Variants in SLC39A10 observed in about 807,000 individuals in gnomAD.
SLC39A10 encodes zinc transporter ZIP10.
A neutral mutation model predicts 65.1 loss-of-function variants in SLC39A10; 13 were observed. The ratio of observed to expected loss-of-function variants is 0.20; its 90% CI spans 0.13 to 0.32. The LOEUF is 0.32. Ranked by LOEUF, SLC39A10 falls within the 10% of genes least tolerant of loss-of-function variation. The pLI is 1.00. For missense variants in SLC39A10, 831 were observed against 1,018.4 expected (o/e 0.82, Z 2.50); for synonymous variants, 321 against 342.2 (o/e 0.94, Z 0.68).
chr2:195,682,447 T>A (rs1574265917), intron 2 of SLC39A10, among the ~76,000 whole-genome samples: 2 of 152,294 alleles, frequency 1.3e-5, no homozygotes, highest in Admixed American at 1.3e-4. Context: ...ATTCATTTTA[T>A]TATTATTTTC....
intron 3 of SLC39A10, among the ~76,000 whole-genome samples, chr2:195,699,521 C>T (rs1220265657): frequency 1.3e-5 from 2 of 152,028 alleles, no homozygotes; most frequent in East Asian, 1.9e-4. Context: ...TCTAATGTCC[C>T]TTGTAATTTC....
chr2:195,682,572 C>T (rs1372445277), intron 2 of SLC39A10, among the ~76,000 whole-genome samples: 2 of 152,008 alleles, frequency 1.3e-5, no homozygotes, highest in Non-Finnish European at 2.9e-5. Context: ...GATTACAGTG[C>T]ATTAATTATT....
chr2:195,692,650 G>A (rs1489583662), intron 3 of SLC39A10, among the ~76,000 whole-genome samples: 2 of 152,130 alleles, frequency 1.3e-5, no homozygotes, highest in Admixed American at 1.3e-4. Context: ...CTTGGTTGCT[G>A]TTGGTGTATA....
intron 2 of SLC39A10, among the ~76,000 whole-genome samples, chr2:195,623,332 T>C (rs1688389449): frequency 6.6e-6 from 1 of 152,180 alleles, no homozygotes; most frequent in Non-Finnish European, 1.5e-5. Context: ...CCCTCCTAAG[T>C]GTAAGTAGTA....
chr2:195,657,713 CG>C (rs1170606213), intron 1 of SLC39A10: 2 of 867,770 alleles, frequency 2.3e-6, no homozygotes, highest in East Asian at 1.2e-4. Context: ...GTCGCAGGCG[CG>C]GGCGGGCGAG....
At chr2:195,681,536 G>GA (rs1161590597) in intron 2 of SLC39A10, among the ~76,000 whole-genome samples, 1 of 151,888 alleles carries the variant, frequency 6.6e-6, no homozygotes, top group African/African-American at 2.4e-5. Context: ...AAAAAAGAAA[G>GA]AAAAAAGATT....
At chr2:195,637,711 T>G (rs1688721099) in intron 2 of SLC39A10, among the ~76,000 whole-genome samples, 1 of 152,208 alleles carries the variant, frequency 6.6e-6, no homozygotes, top group Non-Finnish European at 1.5e-5. Flanking sequence ...AAACAAGGGT[T>G]TCTTCTTTGG....
chr2:195,652,274 G>A (rs1317229109), upstream of SLC39A10, among the ~76,000 whole-genome samples: 6 of 152,316 alleles, frequency 3.9e-5, no homozygotes, highest in South Asian at 6.2e-4. Context: ...TAGCCTAGGC[G>A]TGGTGGCTAA....
upstream of SLC39A10, among the ~76,000 whole-genome samples, chr2:195,654,620 A>T (rs1210747384): frequency 1.3e-5 from 2 of 151,124 alleles, no homozygotes; most frequent in Non-Finnish European, 2.9e-5. Context: ...AATCATTTAT[A>T]CTATTTTTAT....
intron 2 of SLC39A10, among the ~76,000 whole-genome samples, chr2:195,625,368 C>G (rs564097617): frequency 1.3e-5 from 2 of 151,502 alleles, no homozygotes; most frequent in African/African-American, 4.8e-5. Flanking sequence ...CTCCGCCTCC[C>G]AAGTTCAAGC....
intron 1 of SLC39A10, among the ~76,000 whole-genome samples, chr2:195,668,251 TTA>T (rs959747669): frequency 7.2e-5 from 11 of 152,228 alleles, no homozygotes; most frequent in Admixed American, 2.0e-4. Context: ...CCAGCTGTGT[TTA>T]TATGATTGAG....
At chr2:195,622,527 T>C (rs1425922310) in intron 2 of SLC39A10, among the ~76,000 whole-genome samples, 1 of 152,228 alleles carries the variant, frequency 6.6e-6, no homozygotes, top group African/African-American at 2.4e-5. Flanking sequence ...CAAAGATTAA[T>C]AGCAGTTAGA....
chr2:195,721,819 A>T (rs534322816), intron 8 of SLC39A10, among the ~76,000 whole-genome samples: 2 of 152,090 alleles, frequency 1.3e-5, no homozygotes, highest in African/African-American at 4.8e-5. Flanking sequence ...CTGTTCATCT[A>T]CCCACTACCT....
intron 9 of SLC39A10, among the ~76,000 whole-genome samples, chr2:195,729,961 ATTT>A (rs58936616): frequency 3.3e-4 from 30 of 92,134 alleles, no homozygotes; most frequent in Admixed American, 8.0e-4. Context: ...ACCATGCCTA[ATTT>A]TTTTTTTTTT....
intron 5 of SLC39A10, among the ~76,000 whole-genome samples, chr2:195,709,263 G>A (rs1691520691): frequency 1.3e-5 from 2 of 151,800 alleles, no homozygotes; most frequent in Admixed American, 1.3e-4. Flanking sequence ...ACAGATTCTC[G>A]CTATGTGGCC....
At chr2:195,692,826 C>T (rs568558117) in intron 3 of SLC39A10, among the ~76,000 whole-genome samples, 2 of 152,186 alleles carry the variant, frequency 1.3e-5, no homozygotes, top group African/African-American at 4.8e-5. Flanking sequence ...TGATTTCTTT[C>T]CCTTCTCTGA....
chr2:195,613,790 T>A (rs1179791302), intron 2 of SLC39A10, among the ~76,000 whole-genome samples: 1 of 152,162 alleles, frequency 6.6e-6, no homozygotes, highest in African/African-American at 2.4e-5. Context: ...TAAAAAAGAA[T>A]AATAGATCAT....
At chr2:195,689,242 T>C (rs980090704) in intron 3 of SLC39A10, among the ~76,000 whole-genome samples, 21 of 152,206 alleles carry the variant, frequency 1.4e-4, no homozygotes, top group African/African-American at 4.6e-4. Context: ...AGACCATGTC[T>C]CTATAAATAA....
chr2:195,706,473 T>C, intron 3 of SLC39A10, 143 bp from the exon 4 acceptor site: 2 of 724,394 alleles, frequency 2.8e-6, no homozygotes, highest in Non-Finnish European at 4.2e-6. Context: ...TTGTTTTGTT[T>C]TTAAACAATG....
Sources: gnomAD v4.1 joint callset for allele counts (sites outside exome capture counted in the v4.1 genomes callset) on GRCh38, gnomAD v4.1.1 for gene constraint, MANE v1.5 for transcripts, NCBI Gene and HGNC (gene_info 2026-07-23, HGNC 2026-07-21) for gene names.